The following SHROOM4 variants were observed in gnomAD, a reference collection of about 807,000 sequenced individuals.
SHROOM4 encodes the protein protein Shroom4.
SHROOM4 carries 17 observed loss-of-function variants against 80.3 expected under a neutral mutation model. The observed-to-expected ratio is 0.21, with a 90% CI of 0.14 to 0.32. The LOEUF (loss-of-function observed/expected upper bound fraction) is 0.32. SHROOM4 is among the 10% of genes least tolerant of loss of function. SHROOM4 has a pLI of 1.00. For missense variants in SHROOM4, 993 were observed against 1,140.3 expected, an observed-to-expected ratio of 0.87 and a Z score of 1.86; for synonymous variants, 400 against 437.5, an observed-to-expected ratio of 0.91 and a Z score of 1.07.
chrX:50,681,809 C>A (rs1557261824), intron 2 of SHROOM4, among the ~76,000 whole-genome samples: 2 of 112,101 alleles, frequency 1.8e-5, no homozygotes, highest in Non-Finnish European at 1.9e-5. Flanking sequence ...GTACCCGACA[C>A]AGACCATGGC....
At chrX:50,670,291 G>T (rs782377895) in intron 2 of SHROOM4, among the ~76,000 whole-genome samples, 1 of 105,743 alleles carries the variant, frequency 9.5e-6, no homozygotes, top group African/African-American at 3.5e-5. Context: ...CCCTGTGTGT[G>T]ATGTTCCCCT....
At chrX:50,643,053 A>G (rs972511775) in intron 2 of SHROOM4, among the ~76,000 whole-genome samples, 1 of 110,734 alleles carries the variant, frequency 9.0e-6, no homozygotes, top group Non-Finnish European at 1.9e-5. Flanking sequence ...GGGGAGAGAG[A>G]GGAGGAGAAA....
intron 2 of SHROOM4, among the ~76,000 whole-genome samples, chrX:50,673,100 A>G (rs1459538907): frequency 3.6e-5 from 4 of 112,039 alleles, no homozygotes; most frequent in African/African-American, 1.3e-4. Flanking sequence ...TTAGGAAAGA[A>G]GAAATGACAT....
chrX:50,695,971 G>A, intron 1 of SHROOM4, 34 bp from the exon 2 acceptor site: 1 of 1,207,149 alleles, frequency 8.3e-7, no homozygotes, highest in African/African-American at 1.7e-5. Context: ...AAAGCAGGTA[G>A]TGAGATGACT....
chrX:50,737,416 G>A (rs1215143930), intron 1 of SHROOM4, among the ~76,000 whole-genome samples: 1 of 111,382 alleles, frequency 9.0e-6, no homozygotes, highest in Non-Finnish European at 1.9e-5. Flanking sequence ...TAGACTGTCA[G>A]ATTGGATAAG....
At chrX:50,599,386 C>T (rs1042900323) in intron 7 of SHROOM4, among the ~76,000 whole-genome samples, 9 of 111,363 alleles carry the variant, frequency 8.1e-5, no homozygotes, top group African/African-American at 2.6e-4. Flanking sequence ...TATAGCTTTG[C>T]CACTTCGTAG....
At chrX:50,618,876 AT>A (rs1557251453) in intron 5 of SHROOM4, among the ~76,000 whole-genome samples, 1 of 112,335 alleles carries the variant, frequency 8.9e-6, no homozygotes, top group African/African-American at 3.2e-5. Context: ...CTGAGAGATA[AT>A]CGCAGGGAAG....
intron 1 of SHROOM4, among the ~76,000 whole-genome samples, chrX:50,753,456 A>C (rs2032188636): frequency 8.9e-6 from 1 of 111,999 alleles, no homozygotes; most frequent in South Asian, 3.7e-4. Flanking sequence ...ATCACTTCAC[A>C]GAAAGGTTTC....
chrX:50,640,086 A>G (rs1013863436), intron 2 of SHROOM4, among the ~76,000 whole-genome samples: 23 of 111,684 alleles, frequency 2.1e-4, no homozygotes, highest in African/African-American at 9.8e-5. Context: ...CACTGCCGGG[A>G]AATCTCTCCA....
intron 7 of SHROOM4, among the ~76,000 whole-genome samples, 185 bp downstream of exon 7, chrX:50,602,448 A>G (rs1278444029): frequency 9.0e-6 from 1 of 111,340 alleles, no homozygotes; most frequent in Non-Finnish European, 1.9e-5. Flanking sequence ...GATTGTTATT[A>G]TTATTATTGA....
Position 50,620,370 on chromosome X carries a change from G to A in SHROOM4, c.2957+7244C>T, listed in dbSNP as rs948634125. Among the ~76,000 whole-genome samples, 4 of 111,706 alleles carry A rather than the reference G, an allele frequency of 3.6e-5. No homozygotes were observed. The South Asian group carries it at 1.5e-3, about 42-fold the overall frequency. ...ATTTGTATACCTGTCACTGTTGATG[G>A]CTATTCTATTTTGTTCCAAGATGAT... On this transcript the variant is annotated intron_variant, in intron 5 of 8. Transcript: ENST00000376020.
At position 50,635,268 on chromosome X, in the gene SHROOM4, C is replaced by T. The variant is rs1931291798; in HGVS notation, c.805G>A (p.Ala269Thr). 1 of 1,199,669 alleles carries T rather than the reference C, an allele frequency of 8.3e-7. No individual in the cohort carries two copies. The highest frequency in any genetic ancestry group is 1.1e-6 in the Non-Finnish European group (1 of 889,855). Residue 269 changes from alanine (A) to threonine (T), a missense_variant, in exon 4 of 9, where the codon GCA (alanine) becomes ACA (threonine). Coordinates refer to ENST00000376020, the MANE Select transcript of SHROOM4 (RefSeq NM_020717.5). Reference protein sequence around the residue: ...QEGYQSGPAKAVRGPPQPPVR... With the variant: ...QEGYQSGPAKTVRGPPQPPVR... ...GGAGGTTGTGGTGGGCCCCTGACTG[C>T]TTTGGCGGGCCCTGACTGGTATCCC...
chrX:50,641,552 G>A (rs1161148000), intron 2 of SHROOM4, among the ~76,000 whole-genome samples: 1 of 111,117 alleles, frequency 9.0e-6, no homozygotes, highest in African/African-American at 3.3e-5. Context: ...ATCCACTGTT[G>A]AGGTTCTACT....
intron 2 of SHROOM4, among the ~76,000 whole-genome samples, chrX:50,644,640 G>C (rs1931753106): frequency 8.9e-6 from 1 of 112,618 alleles, no homozygotes; most frequent in Non-Finnish European, 1.9e-5. Flanking sequence ...TCTGGCTCCT[G>C]AGAGGGCTTA....
At chrX:50,787,432 C>G (rs902731707) in intron 1 of SHROOM4, among the ~76,000 whole-genome samples, 9 of 110,507 alleles carry the variant, frequency 8.1e-5, no homozygotes, top group Non-Finnish European at 1.7e-4. Flanking sequence ...TCAAGTAGAC[C>G]AATATATGCA....
At chrX:50,623,008 C>T (rs1930636628) in intron 5 of SHROOM4, among the ~76,000 whole-genome samples, 1 of 111,657 alleles carries the variant, frequency 9.0e-6, no homozygotes, top group Non-Finnish European at 1.9e-5. Context: ...ATCAGTAGGT[C>T]TGAGTATGGC....
rs3761506 is a variant in SHROOM4, at chrX:50,633,908, C to T, written c.2165G>A (p.Arg722His). The part of the protein sequence containing the change: ...PEKAHAHCGV[R>H]GGHWRWSPEH... ...TGGAGACCATCTCCAATGACCTCCA[C>T]GGACTCCACAGTGAGCATGTGCTTT... is the stretch of plus-strand genomic sequence containing the variant. The change falls in exon 4 of 9, where the codon CGT (arginine) becomes CAT (histidine). Residue 722 changes from arginine to histidine, a missense_variant. By Grantham distance (29) the Arg-to-His change is conservative. Coordinates refer to ENST00000376020, the MANE Select transcript of SHROOM4 (RefSeq NM_020717.5). 979 of 1,210,199 alleles carry T rather than the reference C, an allele frequency of 8.1e-4. 6 individuals are homozygous for T. The East Asian group carries it at 0.024, about 29-fold the overall frequency.
Position 50,701,340 on chromosome X carries a change from C to T in SHROOM4, c.118-5403G>A, listed in dbSNP as rs1052473708. Reference sequence around the variant, plus strand: ...TGTCTTTGCTCCTGCCAAGTCAGATCGTCCTGCTGTCTCTATAAGTCTGGT... The same window carrying T: ...TGTCTTTGCTCCTGCCAAGTCAGATTGTCCTGCTGTCTCTATAAGTCTGGT... On this transcript the variant is annotated intron_variant, in intron 1 of 8. Transcript: ENST00000376020. Among the ~76,000 whole-genome samples, 4 of 111,881 alleles carry T rather than the reference C, an allele frequency of 3.6e-5. 1 individual carries two copies. The highest frequency in any genetic ancestry group is 6.5e-5 in the African/African-American group (2 of 30,801).
intron 1 of SHROOM4, among the ~76,000 whole-genome samples, chrX:50,803,443 T>G (rs1557272812): frequency 8.9e-6 from 1 of 111,849 alleles, no homozygotes. Context: ...CACTGTGGAG[T>G]GAACAAACTG....
Sources: allele counts gnomAD v4.1 joint callset (sites outside exome capture counted in the v4.1 genomes callset), GRCh38; gene constraint gnomAD v4.1.1; transcripts MANE v1.5; gene names NCBI Gene and HGNC (gene_info 2026-07-23, HGNC 2026-07-21).